Variants in BICD1 observed in about 807,000 individuals in gnomAD.
BICD1 encodes BICD cargo adaptor 1, also known as protein bicaudal D homolog 1.
Under a neutral mutation model 92.5 loss-of-function variants are expected in BICD1, and 35 were observed. The observed-to-expected ratio is 0.38, with a 90% CI of 0.29 to 0.50. BICD1 has a LOEUF of 0.50. Among genes scored for constraint, BICD1 ranks in the 20% least tolerant of loss-of-function variants. The probability of loss-of-function intolerance (pLI) is 0.93; values close to 1 mark genes in which losing one functional copy is unlikely to be tolerated. For missense variants in BICD1, 950 were observed against 1,189.8 expected, an observed-to-expected ratio of 0.80 and a Z score of 2.97; for synonymous variants, 429 against 465.1, an observed-to-expected ratio of 0.92 and a Z score of 1.00.
Position 32,328,571 on chromosome 12 carries a change from T to C in BICD1, c.2100+16T>C. 6.3e-7 allele frequency: 1 copy of C among 1,595,542 alleles called. No individual in the cohort carries two copies. Among genetic ancestry groups the C allele is most frequent in the Non-Finnish European group, 8.6e-7 (1 of 1,169,218 alleles). On this transcript the variant is annotated intron_variant, in intron 5 of 9. Coordinates refer to ENST00000652176, the MANE Select transcript of BICD1 (RefSeq NM_001714.4). This position sits in a 1 kb window ranked among gnomAD's most constrained non-coding sequence, Gnocchi z 4.4. Reference sequence around the variant, plus strand: ...CAACAAGCAGGTAATCTCATTCTACTGGTGAAAGCATGCCAGTCAAAGCTT... The same window carrying C: ...CAACAAGCAGGTAATCTCATTCTACCGGTGAAAGCATGCCAGTCAAAGCTT...
chr12:32,141,753 C>T (rs1415177136), intron 1 of BICD1, among the ~76,000 whole-genome samples: 3 of 152,178 alleles, frequency 2.0e-5, no homozygotes, highest in Non-Finnish European at 2.9e-5. Context: ...GGATTACAGG[C>T]GTGAGCCACC....
chr12:32,304,073 C>CAA (rs201713099), intron 3 of BICD1, among the ~76,000 whole-genome samples: 3 of 140,192 alleles, frequency 2.1e-5, no homozygotes, highest in African/African-American at 2.6e-5. Flanking sequence ...GACTCCGTCT[C>CAA]AAAAAAAAAA....
chr12:32,246,349 CAA>C (rs1399481210), intron 2 of BICD1, among the ~76,000 whole-genome samples: 1 of 138,546 alleles, frequency 7.2e-6, no homozygotes, highest in East Asian at 2.1e-4. Flanking sequence ...AAAAGAAAAA[CAA>C]AAGAGGCCAG....
At chr12:32,367,074 A>G (rs1167747455) in intron 8 of BICD1, among the ~76,000 whole-genome samples, 1 of 152,252 alleles carries the variant, frequency 6.6e-6, no homozygotes, top group Non-Finnish European at 1.5e-5. Flanking sequence ...TTACTATGTA[A>G]TAGACATTCT....
intron 8 of BICD1, among the ~76,000 whole-genome samples, chr12:32,358,441 A>G (rs1939200815): frequency 6.6e-6 from 1 of 151,092 alleles, no homozygotes. Context: ...TTTGTTCATT[A>G]TAAAAGCCAT....
At chr12:32,324,309 C>G (rs1490150745) in intron 4 of BICD1, among the ~76,000 whole-genome samples, 1 of 145,714 alleles carries the variant, frequency 6.9e-6, no homozygotes, top group Non-Finnish European at 1.5e-5. Context: ...GAGCGTAAAT[C>G]ACACCACTGC....
chr12:32,242,032 AAAACAAAC>A (rs549055036), intron 2 of BICD1, among the ~76,000 whole-genome samples: 3 of 150,472 alleles, frequency 2.0e-5, no homozygotes, highest in East Asian at 3.9e-4. Context: ...CTGTCTCTCC[AAAACAAAC>A]AAACAAACAA....
intron 1 of BICD1, among the ~76,000 whole-genome samples, chr12:32,204,289 G>A (rs866047765): frequency 6.7e-6 from 1 of 149,906 alleles, no homozygotes; most frequent in Non-Finnish European, 1.5e-5. Flanking sequence ...GGTGGAGGTT[G>A]CAATGAGCTG....
rs560942749 is a variant in BICD1, at chr12:32,213,108, T to G, written c.214-3139T>G. On this transcript the variant is annotated intron_variant, in intron 1 of 9. Transcript: ENST00000652176. ...CACTAACTAACCTAAATAACTTATT[T>G]CAGTTTGCCGATTGTCCTACTAGTG... Among the ~76,000 whole-genome samples the G allele has an allele frequency of 2.0e-5, 3 of 152,284 alleles. No individual in the cohort carries two copies. In the South Asian group the frequency reaches 6.2e-4, roughly 32 times the overall value.
intron 1 of BICD1, among the ~76,000 whole-genome samples, chr12:32,125,490 A>G (rs1242383090): frequency 6.6e-6 from 1 of 152,182 alleles, no homozygotes; most frequent in South Asian, 2.1e-4. Context: ...TTTACACTGT[A>G]TATCATGAGA....
At chr12:32,168,968 A>G (rs1464709482) in intron 1 of BICD1, among the ~76,000 whole-genome samples, 1 of 152,044 alleles carries the variant, frequency 6.6e-6, no homozygotes, top group Non-Finnish European at 1.5e-5. Flanking sequence ...ATCTCAAACA[A>G]ACAAACAAAC....
chr12:32,150,631 C>T (rs149531776), intron 1 of BICD1, among the ~76,000 whole-genome samples: 10 of 152,262 alleles, frequency 6.6e-5, no homozygotes, highest in African/African-American at 1.7e-4. Flanking sequence ...ATGCTATAGA[C>T]GGGTAACTTC....
chr12:32,306,738 G>A (rs1448941661), intron 4 of BICD1, among the ~76,000 whole-genome samples: 2 of 151,882 alleles, frequency 1.3e-5, no homozygotes, highest in Non-Finnish European at 2.9e-5. Flanking sequence ...CCTTGGGCCG[G>A]GCGCGGTGGC....
At chr12:32,257,804 C>T (rs1401703828) in intron 2 of BICD1, among the ~76,000 whole-genome samples, 3 of 152,084 alleles carry the variant, frequency 2.0e-5, no homozygotes, top group Non-Finnish European at 4.4e-5. Context: ...TATGTTTGTG[C>T]AGTTTATTCA....
intron 1 of BICD1, among the ~76,000 whole-genome samples, chr12:32,164,833 A>G (rs626978): frequency 6.6e-6 from 1 of 152,212 alleles, no homozygotes; most frequent in African/African-American, 2.4e-5. Flanking sequence ...TTCAAGAGGT[A>G]AAATGGATTT....
At chr12:32,192,715 C>T (rs930071625) in intron 1 of BICD1, among the ~76,000 whole-genome samples, 3 of 152,126 alleles carry the variant, frequency 2.0e-5, no homozygotes, top group African/African-American at 7.2e-5. Context: ...TGCAAATAAG[C>T]AGCAAATGCT....
chr12:32,362,210 A>T (rs1939356794), intron 8 of BICD1, among the ~76,000 whole-genome samples: 9 of 152,198 alleles, frequency 5.9e-5, no homozygotes. Flanking sequence ...AATTATAAAA[A>T]TTGGCCGGGC....
At chr12:32,263,902 T>C (rs1437597456) in intron 2 of BICD1, among the ~76,000 whole-genome samples, 1 of 152,246 alleles carries the variant, frequency 6.6e-6, no homozygotes, top group Non-Finnish European at 1.5e-5. Context: ...CAATAAATGC[T>C]TGATGAGTAG....
At chr12:32,278,887 A>G (rs1482705275) in intron 2 of BICD1, among the ~76,000 whole-genome samples, 1 of 151,980 alleles carries the variant, frequency 6.6e-6, no homozygotes, top group Non-Finnish European at 1.5e-5. Context: ...AAATAAATAA[A>G]TAAATAAATT....
Sources: gnomAD v4.1 joint callset for allele counts (sites outside exome capture counted in the v4.1 genomes callset) on GRCh38, gnomAD v4.1.1 for gene constraint, Gnocchi (gnomAD v3.1) non-coding constraint, MANE v1.5 for transcripts, NCBI Gene and HGNC (gene_info 2026-07-23, HGNC 2026-07-21) for gene names.